Variants in CNBD2 observed in about 807,000 individuals in gnomAD.
CNBD2 encodes the protein cyclic nucleotide-binding domain-containing protein 2.
A neutral mutation model predicts 63.7 loss-of-function variants in CNBD2; 64 were observed. That is an observed-to-expected ratio of 1.00 (90% CI 0.82 to 1.24). The LOEUF is 1.24. Ranked by LOEUF, CNBD2 falls within the 50% of genes most tolerant of loss-of-function variation. The pLI, the probability that CNBD2 is intolerant of heterozygous loss-of-function variation, is 0.00. For synonymous variants in CNBD2, 229 were observed against 255.4 expected (o/e 0.90, Z 0.99); for missense variants, 691 against 713.5 (o/e 0.97, Z 0.36).
At chr20:35,976,388 T>C (rs930245850) in intron 3 of CNBD2, among the ~76,000 whole-genome samples, 4 of 152,184 alleles carry the variant, frequency 2.6e-5, no homozygotes, top group East Asian at 3.9e-4. Flanking sequence ...GGTTCTACCC[T>C]GAATTCTCTG....
chr20:36,000,249 C>G (rs1359630852), intron 8 of CNBD2, among the ~76,000 whole-genome samples: 2 of 151,910 alleles, frequency 1.3e-5, no homozygotes, highest in Admixed American at 6.6e-5. Context: ...TCTAAGTTGA[C>G]AGGTTTTTTC....
At chr20:35,987,974 A>G (rs1258334712) in intron 7 of CNBD2, among the ~76,000 whole-genome samples, 1 of 152,074 alleles carries the variant, frequency 6.6e-6, no homozygotes, top group African/African-American at 2.4e-5. Context: ...GGTTTCAGCA[A>G]TTCTTCTGCC....
chr20:36,001,951 G>A (rs1192647458), intron 8 of CNBD2, among the ~76,000 whole-genome samples: 3 of 150,740 alleles, frequency 2.0e-5, no homozygotes, highest in African/African-American at 7.3e-5. Flanking sequence ...CGTCCCAGAC[G>A]ATGGGCGGCC....
intron 6 of CNBD2, among the ~76,000 whole-genome samples, chr20:35,986,682 A>C (rs1363922104): frequency 1.3e-5 from 2 of 152,158 alleles, no homozygotes; most frequent in Non-Finnish European, 2.9e-5. Context: ...CCTTGAGTTA[A>C]CCTGATTCAA....
rs373670876 is a variant in CNBD2, at chr20:35,987,455, G to A, written c.777G>A (p.Ala259=). ...AGCTCTGGCAGCTGGTAGCCATGGC[G>A]AAGATAGAGAGGTTCTCGTATGGGC... ...DEKLWQLVAM[A]KIERFSYGQL... The change falls in exon 7 of 12, where the codon GCG becomes GCA. Residue 259 remains alanine (A), a synonymous_variant. Coordinates refer to ENST00000373973, the MANE Select transcript of CNBD2 (RefSeq NM_001365709.1). 1.9e-5 allele frequency: 30 copies of A among 1,614,054 alleles called. No homozygotes were observed. In the African/African-American group the frequency reaches 2.7e-4, roughly 14 times the overall value.
chr20:35,966,017 G>A (rs764368918), upstream of CNBD2, among the ~76,000 whole-genome samples: 13 of 152,174 alleles, frequency 8.5e-5, no homozygotes, highest in Non-Finnish European at 1.9e-4. Flanking sequence ...AGGCAGTTCA[G>A]AGGACTGACG....
intron 10 of CNBD2, among the ~76,000 whole-genome samples, chr20:36,016,697 G>T (rs2057137896): frequency 6.6e-6 from 1 of 151,508 alleles, no homozygotes. Context: ...GCTGAGGCAG[G>T]AGAATCGCTT....
At chr20:36,019,215 A>T (rs1232984592) in intron 10 of CNBD2, among the ~76,000 whole-genome samples, 1 of 152,042 alleles carries the variant, frequency 6.6e-6, no homozygotes, top group South Asian at 2.1e-4. Flanking sequence ...TTAAGCTGAG[A>T]CCTGAATGAT....
intron 10 of CNBD2, among the ~76,000 whole-genome samples, chr20:36,022,066 T>C (rs2057217417): frequency 6.6e-6 from 1 of 151,006 alleles, no homozygotes; most frequent in African/African-American, 2.4e-5. Flanking sequence ...TGGAGTGCAG[T>C]GGCACAATCT....
chr20:36,005,819 C>G (rs1339892397), intron 8 of CNBD2, among the ~76,000 whole-genome samples: 1 of 151,324 alleles, frequency 6.6e-6, no homozygotes, highest in Non-Finnish European at 1.5e-5. Flanking sequence ...GGCATGGTGG[C>G]GGGCGCCTGT....
intron 8 of CNBD2, among the ~76,000 whole-genome samples, chr20:35,995,861 T>G (rs2056817850): frequency 6.6e-6 from 1 of 152,216 alleles, no homozygotes; most frequent in African/African-American, 2.4e-5. Flanking sequence ...TATCTGAGAC[T>G]GGGTAACTTA....
At chr20:36,023,821 T>TACTAAAATCTACTAAAA (rs2057251430) in intron 11 of CNBD2, 50 bp downstream of exon 11, 8 of 1,477,394 alleles carry the variant, frequency 5.4e-6, no homozygotes, top group Non-Finnish European at 7.3e-6. Context: ...TGAACAATTT[T>TACTAAAATCTACTAAAA]TCACCTGTTA....
intron 4 of CNBD2, among the ~76,000 whole-genome samples, 184 bp downstream of exon 4, chr20:35,980,806 T>G (rs887436060): frequency 1.3e-5 from 2 of 152,156 alleles, no homozygotes; most frequent in African/African-American, 4.8e-5. Context: ...CGCTCACTTA[T>G]TGAGACTCTT....
At chr20:35,959,828 A>G (rs1176704041), downstream of CNBD2, among the ~76,000 whole-genome samples, 1 of 152,210 alleles carries the variant, frequency 6.6e-6, no homozygotes, top group East Asian at 1.9e-4. Flanking sequence ...TTTAACATAG[A>G]CAGTAGGAAC....
chr20:35,982,782 G>A (rs1457053860), intron 4 of CNBD2, among the ~76,000 whole-genome samples: 1 of 150,594 alleles, frequency 6.6e-6, no homozygotes, highest in African/African-American at 2.4e-5. Context: ...GTATGATCAT[G>A]GCTCACCATA....
downstream of CNBD2, among the ~76,000 whole-genome samples, chr20:35,957,329 G>C (rs1343075600): frequency 1.3e-5 from 2 of 152,224 alleles, no homozygotes; most frequent in African/African-American, 4.8e-5. Context: ...GCTCATGCCT[G>C]TAATCCCAGC....
chr20:35,955,599 C>T (rs1328758723), downstream of CNBD2, among the ~76,000 whole-genome samples: 1 of 152,066 alleles, frequency 6.6e-6, no homozygotes, highest in Non-Finnish European at 1.5e-5. Context: ...AGGTAAACTG[C>T]TTGCTATCTC....
intron 3 of CNBD2, among the ~76,000 whole-genome samples, chr20:35,978,283 C>G: frequency 6.6e-6 from 1 of 151,946 alleles, no homozygotes; most frequent in Non-Finnish European, 1.5e-5. Flanking sequence ...CTCAAGCGGT[C>G]CTCCCATTTT....
intron 1 of CNBD2, among the ~76,000 whole-genome samples, chr20:35,970,822 C>A (rs915988214): frequency 3.3e-5 from 5 of 152,200 alleles, no homozygotes; most frequent in Non-Finnish European, 7.3e-5. Context: ...CTCAAGCAAT[C>A]CTTCTGCCTC....
Sources: allele counts gnomAD v4.1 joint callset (sites outside exome capture counted in the v4.1 genomes callset), GRCh38; gene constraint gnomAD v4.1.1; transcripts MANE v1.5; gene names NCBI Gene and HGNC (gene_info 2026-07-23, HGNC 2026-07-21).